Variants in TULP4 observed in about 807,000 individuals in gnomAD.
TULP4 encodes the protein TUB like protein 4, also known as tubby-related protein 4.
A neutral mutation model predicts 129.0 loss-of-function variants in TULP4; 16 were observed. That is an observed-to-expected ratio of 0.12 (90% CI 0.08 to 0.19). The LOEUF (loss-of-function observed/expected upper bound fraction) is 0.19. Among genes scored for constraint, TULP4 ranks in the 10% least tolerant of loss-of-function variants. The pLI is 1.00. For synonymous variants in TULP4, 998 were observed against 854.0 expected (o/e 1.17, Z -2.94); for missense variants, 1,842 against 2,059.1 (o/e 0.89, Z 2.04).
At chr6:158,418,116 T>TGGGGG (rs1393991201) in intron 2 of TULP4, among the ~76,000 whole-genome samples, 17 of 104,908 alleles carry the variant, frequency 1.6e-4, no homozygotes, top group Non-Finnish European at 3.8e-4. Context: ...TTTTTTTTTT[T>TGGGGG]GGGAGCGGGG....
chr6:158,236,795 C>A (rs375073705), intron 1 of TULP4, among the ~76,000 whole-genome samples: 1 of 63,302 alleles, frequency 1.6e-5, no homozygotes, highest in African/African-American at 7.2e-5. Context: ...CAATTCTTTT[C>A]TTTTTTTTTT....
At chr6:158,290,974 C>A (rs1398759153) in intron 1 of TULP4, among the ~76,000 whole-genome samples, 1 of 152,100 alleles carries the variant, frequency 6.6e-6, no homozygotes, top group Non-Finnish European at 1.5e-5. Context: ...AAAATGTGGA[C>A]AACAAAAGGA....
intron 9 of TULP4, among the ~76,000 whole-genome samples, chr6:158,490,013 G>A (rs951416061): frequency 6.6e-6 from 1 of 152,138 alleles, no homozygotes; most frequent in Non-Finnish European, 1.5e-5. Flanking sequence ...ATAGTTCCCG[G>A]GCTTATATGT....
intron 1 of TULP4, among the ~76,000 whole-genome samples, chr6:158,252,055 G>T (rs1473646822): frequency 6.6e-6 from 1 of 152,240 alleles, no homozygotes; most frequent in African/African-American, 2.4e-5. Flanking sequence ...TTCTGAATGT[G>T]AGTTTGGACG....
intron 1 of TULP4, chr6:158,242,294 C>G: frequency 6.4e-7 from 1 of 1,560,928 alleles, no homozygotes; most frequent in Non-Finnish European, 8.8e-7. Flanking sequence ...TTTAGCACAG[C>G]TCATGTGTGC....
At chr6:158,406,067 C>G (rs537049006) in intron 1 of TULP4, among the ~76,000 whole-genome samples, 1 of 152,178 alleles carries the variant, frequency 6.6e-6, no homozygotes, top group Non-Finnish European at 1.5e-5. Flanking sequence ...TTTGTGTCCT[C>G]CCTGAATGCA....
intron 1 of TULP4, chr6:158,282,719 C>T (rs1778775494): frequency 6.6e-6 from 1 of 152,046 alleles, no homozygotes; most frequent in Non-Finnish European, 1.5e-5. Flanking sequence ...ATTGTAATAA[C>T]ACCTGTGTAA....
chr6:158,260,829 T>C (rs530790995), intron 1 of TULP4, among the ~76,000 whole-genome samples: 1,633 of 151,538 alleles, frequency 0.011, 34 homozygotes, highest in African/African-American at 0.036. Flanking sequence ...CTTTTCTTTT[T>C]TTTTTTTGAG....
At chr6:158,358,683 G>A (rs1197178156) in intron 1 of TULP4, among the ~76,000 whole-genome samples, 2 of 152,198 alleles carry the variant, frequency 1.3e-5, no homozygotes, top group Non-Finnish European at 2.9e-5. Context: ...TTACTTGAGG[G>A]CCAGAGACAT....
intron 1 of TULP4, among the ~76,000 whole-genome samples, chr6:158,397,532 T>C (rs1460076859): frequency 6.6e-6 from 1 of 152,210 alleles, no homozygotes; most frequent in East Asian, 1.9e-4. Flanking sequence ...TTTTTTTTTT[T>C]TAGGTCATCA....
At position 158,313,370 on chromosome 6, in the gene TULP4, ACT is replaced by A. The variant is rs1420203496; in HGVS notation, c.-644_-643del. 2.5e-6 allele frequency: 1 copy of A among 397,150 alleles called. No homozygotes were observed. The highest frequency in any genetic ancestry group is 3.6e-5 in the East Asian group (1 of 28,016). 24.6% of individuals were successfully genotyped at this position (397,150 alleles called of 1,614,324 possible). On this transcript the variant is annotated 5_prime_UTR_variant, in exon 1 of 14. Coordinates refer to ENST00000367097, the MANE Select transcript of TULP4 (RefSeq NM_020245.5). ...AAAATTTGGACTCTTGTCTGCACAA[ACT>A]CTGGTCTGTTTTGCACGGTTTGTGT...
chr6:158,323,037 C>A (rs963832484), intron 1 of TULP4, among the ~76,000 whole-genome samples: 7 of 152,138 alleles, frequency 4.6e-5, no homozygotes, highest in Non-Finnish European at 1.0e-4. Flanking sequence ...AGAGGCATTT[C>A]TGAGAGAGAT....
chr6:158,377,807 T>C (rs998090340), intron 1 of TULP4, among the ~76,000 whole-genome samples: 1 of 152,222 alleles, frequency 6.6e-6, no homozygotes, highest in African/African-American at 2.4e-5. Context: ...TTTAATGCAC[T>C]GAGTTAAATT....
At chr6:158,241,513 C>G (rs547745656) in intron 1 of TULP4, among the ~76,000 whole-genome samples, 3,045 of 152,112 alleles carry the variant, frequency 0.02, 41 homozygotes, top group South Asian at 0.042. Context: ...GAGGCCAAGG[C>G]TGGCGGATCA....
chr6:158,296,523 G>A (rs1779035778), intron 1 of TULP4, among the ~76,000 whole-genome samples: 3 of 152,016 alleles, frequency 2.0e-5, no homozygotes, highest in Admixed American at 2.0e-4. Flanking sequence ...GCTTCAAAGG[G>A]CAAAAAGCAG....
chr6:158,432,261 T>A (rs1410857361), intron 3 of TULP4, among the ~76,000 whole-genome samples: 1 of 151,992 alleles, frequency 6.6e-6, no homozygotes, highest in Non-Finnish European at 1.5e-5. Flanking sequence ...TACCACTCAT[T>A]CACATCTCTT....
chr6:158,502,846 G>C lies in TULP4; in HGVS notation c.3183G>C (p.Pro1061=). Reference sequence around the variant, plus strand: ...TGGCCCATACCGCCAGCGCCTCCCCGTTGGCCTCCCAGTCCTCCTACAGCC... The same window carrying C: ...TGGCCCATACCGCCAGCGCCTCCCCCTTGGCCTCCCAGTCCTCCTACAGCC... ...ASLAHTASAS[P]LASQSSYSLL... The change falls in exon 13 of 14, where the codon CCG becomes CCC. Residue 1061 remains proline (P), a synonymous_variant. Transcript: ENST00000367097. 1.2e-6 allele frequency: 2 copies of C among 1,613,454 alleles called. No individual in the cohort carries two copies. Among genetic ancestry groups the C allele is most frequent in the Non-Finnish European group, 1.7e-6 (2 of 1,179,960 alleles).
intron 8 of TULP4, among the ~76,000 whole-genome samples, chr6:158,486,987 C>G (rs571780495): frequency 2.6e-5 from 4 of 152,218 alleles, no homozygotes; most frequent in Admixed American, 2.6e-4. Context: ...GTGGCTCATG[C>G]CTGTAATCCC....
chr6:158,456,812 C>T (rs549944728), intron 5 of TULP4, among the ~76,000 whole-genome samples: 5 of 145,208 alleles, frequency 3.4e-5, no homozygotes, highest in Non-Finnish European at 6.0e-5. Flanking sequence ...CCAGCCTGGG[C>T]GACAGAGCAA....
Sources: gnomAD v4.1 joint callset for allele counts (sites outside exome capture counted in the v4.1 genomes callset) on GRCh38, gnomAD v4.1.1 for gene constraint, MANE v1.5 for transcripts, NCBI Gene and HGNC (gene_info 2026-07-23, HGNC 2026-07-21) for gene names.